SMG6: variants seen among roughly 807,000 people sequenced by gnomAD.
SMG6 encodes telomerase-binding protein EST1A.
In SMG6, 66 loss-of-function variants were observed where a neutral mutation model predicts 142.2. The observed-to-expected ratio is 0.46, with a 90% confidence interval of 0.38 to 0.57. The LOEUF (loss-of-function observed/expected upper bound fraction) is 0.57. SMG6 is among the 20% of genes least tolerant of loss of function. The pLI is 0.00. For synonymous variants in SMG6, 779 were observed against 702.4 expected, an observed-to-expected ratio of 1.11 and a Z score of -1.72; for missense variants, 1,793 against 1,832.0, an observed-to-expected ratio of 0.98 and a Z score of 0.39.
intron 8 of SMG6, among the ~76,000 whole-genome samples, chr17:2,281,597 A>G (rs992624717): frequency 6.6e-6 from 1 of 152,018 alleles, no homozygotes; most frequent in Non-Finnish European, 1.5e-5. Context: ...CTTGTCTCCT[A>G]TTTCTAGTCT....
rs141723448 is a variant in SMG6, at chr17:2,235,075, A to T, written c.2869+1417T>A. ...ATTTCCAGAGTCAGGTGGGCTTCCT[A>T]CTTGGTAGCAGACTGTCCCTCCCCT... is the stretch of plus-strand genomic sequence containing the variant. On this transcript the variant is annotated intron_variant, in intron 10 of 18. Transcript: ENST00000263073. Among the ~76,000 whole-genome samples the T allele has an allele frequency of 6.0e-4, 92 of 152,310 alleles. 2 individuals carry two copies. In the East Asian group the frequency reaches 0.013, roughly 22 times the overall value.
At chr17:2,266,072 C>T in intron 8 of SMG6, 1 of 985,388 alleles carries the variant, frequency 1.0e-6, no homozygotes, top group East Asian at 1.1e-4. Context: ...TTTCCCCCCT[C>T]TTCAGGATCT....
intron 13 of SMG6, among the ~76,000 whole-genome samples, chr17:2,109,959 T>C (rs368456904): frequency 5.3e-5 from 8 of 152,072 alleles, no homozygotes; most frequent in African/African-American, 1.9e-4. Context: ...GGTGCACGTC[T>C]GCAGTCCCAA....
chr17:2,287,141 A>G (rs2074925727), intron 6 of SMG6, among the ~76,000 whole-genome samples: 1 of 151,940 alleles, frequency 6.6e-6, no homozygotes, highest in Non-Finnish European at 1.5e-5. Context: ...TCGTGGTCTC[A>G]ATCTCTTGAC....
At chr17:2,127,281 G>A (rs553734385) in intron 13 of SMG6, 124 of 396,132 alleles carry the variant, frequency 3.1e-4, no homozygotes, top group African/African-American at 2.4e-3. Context: ...TGGTTACGGC[G>A]TTTGGAATGA....
At chr17:2,087,687 A>T (rs2068602425) in intron 13 of SMG6, 20 of 988,392 alleles carry the variant, frequency 2.0e-5, no homozygotes, top group Middle Eastern at 1.0e-3. Flanking sequence ...CGTGTATTCA[A>T]ACATGTGATG....
intron 1 of SMG6, among the ~76,000 whole-genome samples, chr17:2,302,097 A>C (rs746974044): frequency 2.0e-5 from 3 of 152,002 alleles, no homozygotes; most frequent in Non-Finnish European, 2.9e-5. Context: ...TATAACGTAT[A>C]CAAAAAATAG....
At chr17:2,188,607 A>C (rs2072065899) in intron 10 of SMG6, 92 bp from the exon 11 acceptor site, 1 of 1,077,930 alleles carries the variant, frequency 9.3e-7, no homozygotes, top group Non-Finnish European at 1.4e-6. Flanking sequence ...CTCACTGAAG[A>C]CTAGGGCTAG....
chr17:2,300,156 C>G lies in SMG6; in HGVS notation c.597G>C (p.Glu199Asp), dbSNP rs1158507716. The G allele has an allele frequency of 6.2e-7, 1 of 1,614,090 alleles. No individual in the cohort carries two copies. Among genetic ancestry groups the G allele is most frequent in the African/African-American group, 1.3e-5 (1 of 75,026 alleles). Reference sequence around the variant, plus strand: ...TCCCACCACCTGGGCTCTTTTCTATCTCAGCCCTGTCTGGTTTATTCGCAA... The same window carrying G: ...TCCCACCACCTGGGCTCTTTTCTATGTCAGCCCTGTCTGGTTTATTCGCAA... ...EEVANKPDRA[E>D]IEKSPGGGRV... The change falls in exon 2 of 19, where the codon GAG (glutamate) becomes GAC (aspartate). Residue 199 changes from glutamate to aspartate, a missense_variant. Transcript: ENST00000263073.
In SMG6 at chr17:2,210,771, AAAT is replaced by A. The variant is rs1330407067; in HGVS notation, c.2870-22259_2870-22257del. On this transcript the variant is annotated intron_variant, in intron 10 of 18. Coordinates refer to ENST00000263073, the MANE Select transcript of SMG6 (RefSeq NM_017575.5). ...AAGGCAAAAGCTTTAAAAAAAAATA[AAAT>A]AAAAAAAAAAGCAAGCTAAGAGCTA... 7.7e-4 allele frequency among the ~76,000 whole-genome samples: 117 copies of A among 151,356 alleles called. 2 individuals are homozygous for A. The highest frequency in any genetic ancestry group is 2.1e-4 in the South Asian group (1 of 4,784).
chr17:2,087,359 A>T (rs2068592338), intron 13 of SMG6: 1 of 1,201,626 alleles, frequency 8.3e-7, no homozygotes, highest in African/African-American at 1.6e-5. Flanking sequence ...AAAGTGCGGC[A>T]CACACCGGTC....
intron 15 of SMG6, among the ~76,000 whole-genome samples, chr17:2,074,731 C>A (rs1276332307): frequency 6.6e-6 from 1 of 152,240 alleles, no homozygotes; most frequent in Admixed American, 6.5e-5. Context: ...CTTCGGGGGA[C>A]AGTGGGCTCA....
At chr17:2,192,054 G>A (rs117014928) in intron 10 of SMG6, among the ~76,000 whole-genome samples, 5 of 152,350 alleles carry the variant, frequency 3.3e-5, no homozygotes, top group Non-Finnish European at 5.9e-5. Context: ...GTATGTGTGC[G>A]ACGGTGCTGC....
chr17:2,194,835 G>C (rs1006273344), intron 10 of SMG6, among the ~76,000 whole-genome samples: 4 of 152,144 alleles, frequency 2.6e-5, no homozygotes, highest in African/African-American at 9.7e-5. Flanking sequence ...GGTTCCAGAG[G>C]ATCCTGAAAA....
chr17:2,140,691 C>A (rs1023900225), intron 13 of SMG6, among the ~76,000 whole-genome samples: 30 of 138,228 alleles, frequency 2.2e-4, no homozygotes, highest in African/African-American at 8.4e-4. Flanking sequence ...AAAAAAAATT[C>A]TTCATATCCA....
At position 2,248,324 on chromosome 17, in the gene SMG6, C is replaced by A. The variant is rs9913755; in HGVS notation, c.2662-3605G>T. ...GTGAGCTGATTCAACCAAGGGCTAA[C>A]GAGGGAATAAGAGCAACTAAGAAGC... On this transcript the variant is annotated intron_variant, in intron 8 of 18. Coordinates refer to ENST00000263073, the MANE Select transcript of SMG6 (RefSeq NM_017575.5). 9.7e-3 allele frequency among the ~76,000 whole-genome samples: 1,480 copies of A among 152,114 alleles called. 27 individuals are homozygous for A. Among genetic ancestry groups the A allele is most frequent in the African/African-American group, 0.025 (1,018 of 41,502 alleles).
intron 10 of SMG6, among the ~76,000 whole-genome samples, chr17:2,205,095 G>C (rs1179352708): frequency 6.6e-6 from 1 of 151,980 alleles, no homozygotes; most frequent in Non-Finnish European, 1.5e-5. Context: ...CTGAGACTGA[G>C]TCTCGCTTTG....
chr17:2,199,131 G>T (rs1309851007), intron 10 of SMG6, among the ~76,000 whole-genome samples: 1 of 152,088 alleles, frequency 6.6e-6, no homozygotes. Flanking sequence ...CGAATGAATT[G>T]CAGAAACTGA....
At chr17:2,285,337 GAGAC>G (rs539103507) in intron 6 of SMG6, among the ~76,000 whole-genome samples, 7 of 152,080 alleles carry the variant, frequency 4.6e-5, no homozygotes, top group Non-Finnish European at 5.9e-5. Flanking sequence ...CAACTAAGAT[GAGAC>G]AGACAGAAAA....
Sources: gnomAD v4.1 joint callset for allele counts (sites outside exome capture counted in the v4.1 genomes callset) on GRCh38, gnomAD v4.1.1 for gene constraint, MANE v1.5 for transcripts, NCBI Gene and HGNC (gene_info 2026-07-23, HGNC 2026-07-21) for gene names.